Variants in GABRA2 observed in about 807,000 individuals in gnomAD.
GABRA2 encodes gamma-aminobutyric acid receptor subunit alpha-2.
In GABRA2, 16 loss-of-function variants were observed where a neutral mutation model predicts 48.7. The observed-to-expected ratio is 0.33, with a 90% confidence interval of 0.22 to 0.50. GABRA2 has a LOEUF of 0.50. Ranked by LOEUF, GABRA2 falls within the 20% of genes least tolerant of loss-of-function variation. The pLI is 0.98. For synonymous variants in GABRA2, 185 were observed against 184.5 expected, an observed-to-expected ratio of 1.00 and a Z score of -0.02; for missense variants, 275 against 535.6, an observed-to-expected ratio of 0.51 and a Z score of 4.80.
rs139644024 is a variant in GABRA2, at chr4:46,376,480, T to G, written c.187+9594A>C. ...CTGAAACAGCCAAAGTAAGCATCCC[T>G]CAAAATTATGACTGAGGACAACACC... On this transcript the variant is annotated intron_variant, in intron 3 of 9. Coordinates refer to ENST00000381620, the MANE Select transcript of GABRA2 (RefSeq NM_000807.4). Among the ~76,000 whole-genome samples, 997 of 152,224 alleles carry G rather than the reference T, an allele frequency of 6.5e-3. 3 individuals carry two copies. Among genetic ancestry groups the G allele is most frequent in the Non-Finnish European group, 0.01 (702 of 68,004 alleles).
At chr4:46,322,409 C>A (rs1031867173) in intron 4 of GABRA2, among the ~76,000 whole-genome samples, 2 of 151,902 alleles carry the variant, frequency 1.3e-5, no homozygotes, top group South Asian at 2.1e-4. Flanking sequence ...ATCTCTTCCT[C>A]TCTACTTCTC....
At chr4:46,318,986 C>T (rs1728998631) in intron 4 of GABRA2, among the ~76,000 whole-genome samples, 1 of 151,600 alleles carries the variant, frequency 6.6e-6, no homozygotes, top group African/African-American at 2.4e-5. Flanking sequence ...TTCCTGTTTT[C>T]AAGTTTGTTA....
chr4:46,304,800 C>A (rs1160735743), intron 7 of GABRA2, among the ~76,000 whole-genome samples: 2 of 151,252 alleles, frequency 1.3e-5, no homozygotes, highest in African/African-American at 4.9e-5. Context: ...TGGTGGTGCG[C>A]CTATAGTCCC....
chr4:46,366,122 A>T (rs1252755802), intron 3 of GABRA2: 1 of 152,070 alleles, frequency 6.6e-6, no homozygotes, highest in Non-Finnish European at 1.5e-5. Context: ...TCTCCAGCAT[A>T]ATAATACCAA....
rs7678520 is a variant in GABRA2, at chr4:46,310,560, C to T, written c.477-305G>A. Among the ~76,000 whole-genome samples the T allele has an allele frequency of 5.2e-4, 79 of 152,086 alleles. 1 individual carries two copies. In the South Asian group the frequency reaches 0.01, roughly 20 times the overall value. On this transcript the variant is annotated intron_variant, in intron 5 of 9. Coordinates refer to ENST00000381620, the MANE Select transcript of GABRA2 (RefSeq NM_000807.4). ...CCTTTCTCATTAAGCTCACTATTAACACTTGAAATCTTAAGGGCCAAAAAA... is the reference window on the plus strand; with the variant it reads ...CCTTTCTCATTAAGCTCACTATTAATACTTGAAATCTTAAGGGCCAAAAAA...
intron 3 of GABRA2, among the ~76,000 whole-genome samples, chr4:46,354,665 G>C (rs776381346): frequency 1.5e-4 from 23 of 152,036 alleles, no homozygotes; most frequent in Non-Finnish European, 2.9e-4. Context: ...AATGAGCCAG[G>C]TGGCTTTTAA....
At chr4:46,377,737 G>T (rs9684417) in intron 3 of GABRA2, among the ~76,000 whole-genome samples, 16 of 117,880 alleles carry the variant, frequency 1.4e-4, no homozygotes, top group Admixed American at 2.6e-4. Flanking sequence ...GGTGGGGGGG[G>T]TCAGCCCCCC....
At chr4:46,340,166 C>A (rs1732971187) in intron 3 of GABRA2, among the ~76,000 whole-genome samples, 1 of 151,858 alleles carries the variant, frequency 6.6e-6, no homozygotes, top group African/African-American at 2.4e-5. Context: ...TCTGGGAACA[C>A]TGCTTGCACT....
At chr4:46,359,134 T>C (rs924048213) in intron 3 of GABRA2, among the ~76,000 whole-genome samples, 1 of 152,150 alleles carries the variant, frequency 6.6e-6, no homozygotes, top group African/African-American at 2.4e-5. Flanking sequence ...CCAAAAATAT[T>C]CTTCTTGACC....
chr4:46,251,729 G>A (rs953334736), intron 9 of GABRA2, among the ~76,000 whole-genome samples: 2 of 151,410 alleles, frequency 1.3e-5, no homozygotes, highest in Non-Finnish European at 3.0e-5. Context: ...TTTTCAAAAT[G>A]TGTTATTTCT....
At chr4:46,344,955 G>T (rs1733897773) in intron 3 of GABRA2, among the ~76,000 whole-genome samples, 2 of 151,806 alleles carry the variant, frequency 1.3e-5, no homozygotes, top group African/African-American at 4.8e-5. Context: ...CATATGATAT[G>T]GGTTGGCTCT....
At chr4:46,328,911 A>G (rs1730859629) in intron 4 of GABRA2, among the ~76,000 whole-genome samples, 2 of 152,098 alleles carry the variant, frequency 1.3e-5, no homozygotes, top group African/African-American at 4.8e-5. Flanking sequence ...ATCATCATGA[A>G]GACCATATCC....
chr4:46,280,137 A>T (rs555945771), intron 8 of GABRA2, among the ~76,000 whole-genome samples: 24 of 152,168 alleles, frequency 1.6e-4, no homozygotes, highest in African/African-American at 5.8e-4. Context: ...ATATATATTT[A>T]TATAATGTTG....
intron 7 of GABRA2, among the ~76,000 whole-genome samples, chr4:46,304,531 G>A (rs1726302106): frequency 6.6e-6 from 1 of 151,938 alleles, no homozygotes; most frequent in South Asian, 2.1e-4. Context: ...GGCCTTCAGA[G>A]AGGGAATCAG....
chr4:46,288,965 C>T (rs1202348779), intron 8 of GABRA2, among the ~76,000 whole-genome samples: 1 of 151,936 alleles, frequency 6.6e-6, no homozygotes, highest in Non-Finnish European at 1.5e-5. Context: ...AACTTAACAT[C>T]ATTGATGATT....
chr4:46,284,244 A>C (rs1199199465), intron 8 of GABRA2, among the ~76,000 whole-genome samples: 1 of 152,202 alleles, frequency 6.6e-6, no homozygotes, highest in Non-Finnish European at 1.5e-5. Context: ...TTCTTTAAAA[A>C]GTTCAGAAGC....
At chr4:46,316,017 T>G (rs1728497582) in intron 4 of GABRA2, among the ~76,000 whole-genome samples, 1 of 151,824 alleles carries the variant, frequency 6.6e-6, no homozygotes. Flanking sequence ...GTATCATACC[T>G]TGTATATTTT....
intron 3 of GABRA2, chr4:46,365,613 C>T (rs973228212): frequency 6.6e-6 from 1 of 152,076 alleles, no homozygotes; most frequent in Admixed American, 6.6e-5. Context: ...TTTCATTACT[C>T]TTTGTAACCT....
chr4:46,247,119 A>G lies in GABRA2; in HGVS notation c.*3189T>C, dbSNP rs2109360836. The stretch of plus-strand genomic sequence containing the variant: ...GAAACATGGCTCAAGGGGATCACTT[A>G]TCCAAACCTGAGATAAATTCAAAAT... On this transcript the variant is annotated 3_prime_UTR_variant, in exon 10 of 10. Coordinates refer to ENST00000381620, the MANE Select transcript of GABRA2 (RefSeq NM_000807.4). Among the ~76,000 whole-genome samples, 1 of 151,452 alleles carries G rather than the reference A, an allele frequency of 6.6e-6. No individual in the cohort carries two copies. The highest frequency in any genetic ancestry group is 3.4e-3 in the Middle Eastern group (1 of 294).
Sources: allele counts gnomAD v4.1 joint callset (sites outside exome capture counted in the v4.1 genomes callset), GRCh38; gene constraint gnomAD v4.1.1; transcripts MANE v1.5; gene names NCBI Gene and HGNC (gene_info 2026-07-23, HGNC 2026-07-21).